OSBPL11: variants seen among roughly 807,000 people sequenced by gnomAD.
OSBPL11 encodes oxysterol binding protein like 11, also known as oxysterol-binding protein-related protein 11.
In OSBPL11, 33 loss-of-function variants were observed where a neutral mutation model predicts 84.4. That is an observed-to-expected ratio of 0.39 (90% CI 0.30 to 0.52). The LOEUF is 0.52. Ranked by LOEUF, OSBPL11 falls within the 20% of genes least tolerant of loss-of-function variation. OSBPL11 has a pLI of 0.72. For missense variants in OSBPL11, 736 were observed against 901.1 expected (o/e 0.82, Z 2.35); for synonymous variants, 276 against 310.2 (o/e 0.89, Z 1.16).
rs58416171 is a variant in OSBPL11, at chr3:125,580,615, T to C, written c.234-575A>G. On this transcript the variant is annotated intron_variant, in intron 2 of 12. Coordinates refer to ENST00000296220, the MANE Select transcript of OSBPL11 (RefSeq NM_022776.5). ...GGCATTTATTAAGAGGCCTATCAGT[T>C]AATGCACAAAAGGAAGCAAAGATAC... 8.6e-3 allele frequency among the ~76,000 whole-genome samples: 1,310 copies of C among 151,978 alleles called. 19 individuals are homozygous for C. Among genetic ancestry groups the C allele is most frequent in the African/African-American group, 0.029 (1,209 of 41,436 alleles).
rs1270244891 is a variant in OSBPL11, at chr3:125,552,212, G to A, written c.1623C>T (p.Gly541=). 1.9e-6 allele frequency: 3 copies of A among 1,610,244 alleles called. No homozygotes were observed. The highest frequency in any genetic ancestry group is 3.4e-5 in the Admixed American group (2 of 59,612). ...CAACCATTGTCACGCCTATTGACAT[G>A]CCTAAGAACTTGCTCTTAGTCCAGA... ...AHVWTKSKFL[G]MSIGVTMVGE... Residue 541 remains glycine (G), a synonymous_variant, in exon 9 of 13, where the codon GGC becomes GGT. Transcript: ENST00000296220.
chr3:125,549,243 C>T (rs1935865646), intron 9 of OSBPL11, among the ~76,000 whole-genome samples: 1 of 152,158 alleles, frequency 6.6e-6, no homozygotes, highest in African/African-American at 2.4e-5. Context: ...AGGCTGGTCT[C>T]GAACTCCTGA....
At chr3:125,555,634 C>G (rs538462585) in intron 8 of OSBPL11, among the ~76,000 whole-genome samples, 1 of 151,714 alleles carries the variant, frequency 6.6e-6, no homozygotes, top group African/African-American at 2.4e-5. Flanking sequence ...AACAAAAGAT[C>G]AGGAATCAGA....
chr3:125,536,766 A>G (rs768120632), intron 11 of OSBPL11, among the ~76,000 whole-genome samples: 30 of 152,174 alleles, frequency 2.0e-4, no homozygotes, highest in South Asian at 6.2e-4. Flanking sequence ...AACTCAAAAA[A>G]TTTTACAAGT....
intron 1 of OSBPL11, 92 bp downstream of exon 1, chr3:125,594,545 C>A: frequency 6.8e-7 from 1 of 1,470,060 alleles, no homozygotes; most frequent in Non-Finnish European, 9.2e-7. Flanking sequence ...AGTGAAAAAA[C>A]TTTTATCTTT....
At position 125,595,032 on chromosome 3, in the gene OSBPL11, T is replaced by A; in HGVS notation, c.-232A>T. 2.2e-6 allele frequency: 1 copy of A among 453,642 alleles called. No individual in the cohort carries two copies. Among genetic ancestry groups the A allele is most frequent in the South Asian group, 4.0e-5 (1 of 25,104 alleles). The allele number at this position is 453,642 out of a possible 1,614,324, so 28.1% of individuals were successfully genotyped here. On this transcript the variant is annotated 5_prime_UTR_variant, in exon 1 of 13. Transcript: ENST00000296220. ...CGAGGACAGATATCCTTCACATGTA[T>A]CTCTCTCCTTTCCGGCAAAAGCAAG...
chr3:125,594,591 A>G, intron 1 of OSBPL11, 46 bp downstream of exon 1: 1 of 1,591,276 alleles, frequency 6.3e-7, no homozygotes, highest in African/African-American at 1.3e-5. Context: ...GGGCATATTC[A>G]CCCCTACCTC....
intron 8 of OSBPL11, among the ~76,000 whole-genome samples, chr3:125,557,601 C>A (rs560601096): frequency 6.6e-6 from 1 of 151,710 alleles, no homozygotes; most frequent in Non-Finnish European, 1.5e-5. Flanking sequence ...TGGTCTCCAA[C>A]TCCTGACTTC....
intron 7 of OSBPL11, among the ~76,000 whole-genome samples, chr3:125,561,492 A>C (rs1410107718): frequency 6.6e-6 from 1 of 152,208 alleles, no homozygotes; most frequent in Admixed American, 6.5e-5. Context: ...ACCTATATCC[A>C]GTCAGTCACA....
At position 125,533,465 on chromosome 3, in the gene OSBPL11, C is replaced by T. The variant is rs1350069359; in HGVS notation, c.2025-1451G>A. On this transcript the variant is annotated intron_variant, in intron 11 of 12. Transcript: ENST00000296220. ...GTCTCGAACTCCTGACCTCAAATGACCCGCCCACCTCGGCCTCCCAAAGTG... is the reference window on the plus strand; with the variant it reads ...GTCTCGAACTCCTGACCTCAAATGATCCGCCCACCTCGGCCTCCCAAAGTG... 2.6e-5 allele frequency among the ~76,000 whole-genome samples: 4 copies of T among 152,040 alleles called. No individual in the cohort carries two copies. In the East Asian group the frequency reaches 7.8e-4, roughly 29 times the overall value.
intron 5 of OSBPL11, among the ~76,000 whole-genome samples, chr3:125,572,219 G>A (rs1192575205): frequency 1.3e-5 from 2 of 152,214 alleles, no homozygotes; most frequent in Non-Finnish European, 2.9e-5. Context: ...ATTTGGAATG[G>A]CTGTATTTAT....
intron 6 of OSBPL11, among the ~76,000 whole-genome samples, chr3:125,565,195 G>C (rs1054356660): frequency 3.9e-5 from 6 of 152,072 alleles, no homozygotes; most frequent in Non-Finnish European, 8.8e-5. Context: ...AGTGAGCCAT[G>C]ATGGTGCCAC....
chr3:125,590,789 A>G (rs1344943389), intron 1 of OSBPL11, among the ~76,000 whole-genome samples: 1 of 152,208 alleles, frequency 6.6e-6, no homozygotes, highest in South Asian at 2.1e-4. Context: ...CCATAAAACC[A>G]ACCATGTACC....
chr3:125,558,280 C>A (rs1033503708), intron 8 of OSBPL11, among the ~76,000 whole-genome samples: 1 of 152,170 alleles, frequency 6.6e-6, no homozygotes, highest in Non-Finnish European at 1.5e-5. Context: ...TCAGGGACTG[C>A]AAACACCATG....
intron 1 of OSBPL11, among the ~76,000 whole-genome samples, chr3:125,585,303 G>A (rs1182211787): frequency 6.6e-6 from 1 of 151,766 alleles, no homozygotes; most frequent in Non-Finnish European, 1.5e-5. Flanking sequence ...CCTAATTTTT[G>A]TATTTTTAGT....
chr3:125,547,250 C>T (rs13066562), intron 10 of OSBPL11, among the ~76,000 whole-genome samples, 156 bp downstream of exon 10: 10,333 of 152,212 alleles, frequency 0.068, 472 homozygotes, highest in Non-Finnish European at 0.098. Flanking sequence ...CAGAGCATGA[C>T]TTTCAGAATG....
At position 125,579,947 on chromosome 3, in the gene OSBPL11, T is replaced by C; in HGVS notation, c.327A>G (p.Ala109=). ...CATCACTGGGTGATATTACAGCTCC[T>C]GCAAGCTGCAAAGTTCCTCTAGGTT... ...NQKPRGTLQL[A]GAVISPSDED... The change falls in exon 3 of 13, where the codon GCA becomes GCG. Residue 109 remains alanine (A), a synonymous_variant. Transcript: ENST00000296220. The C allele has an allele frequency of 6.2e-7, 1 of 1,614,198 alleles. No individual in the cohort carries two copies. The highest frequency in any genetic ancestry group is 8.5e-7 in the Non-Finnish European group (1 of 1,179,992).
Position 125,567,348 on chromosome 3 carries a change from T to C in OSBPL11, c.868+46A>G, listed in dbSNP as rs1202165467. ...ATTACAACAAATACAGTCCTTTCCA[T>C]GTGTTGGCCTTCATTGTGAAGCCCT... On this transcript the variant is annotated intron_variant, in intron 6 of 12. Transcript: ENST00000296220. The C allele has an allele frequency of 3.4e-6, 5 of 1,453,508 alleles. 1 individual carries two copies. In the South Asian group the frequency reaches 4.6e-5, roughly 13 times the overall value. 90.0% of individuals were successfully genotyped at this position (1,453,508 alleles called of 1,614,324 possible). A position where few individuals can be genotyped will look rare whatever the true frequency, so the allele number is the denominator to read the frequency against.
intron 5 of OSBPL11, among the ~76,000 whole-genome samples, chr3:125,574,375 TA>T (rs1452163854): frequency 6.6e-6 from 1 of 151,976 alleles, no homozygotes; most frequent in Admixed American, 6.6e-5. Flanking sequence ...AAATTCTCTA[TA>T]TAAAAAGTGG....
Sources: gnomAD v4.1 joint callset for allele counts (sites outside exome capture counted in the v4.1 genomes callset) on GRCh38, gnomAD v4.1.1 for gene constraint, MANE v1.5 for transcripts, NCBI Gene and HGNC (gene_info 2026-07-23, HGNC 2026-07-21) for gene names.